STAC3: variants seen among roughly 807,000 people sequenced by gnomAD.
STAC3 encodes the protein SH3 and cysteine-rich domain-containing protein 3.
A neutral mutation model predicts 48.5 loss-of-function variants in STAC3; 30 were observed. The observed-to-expected ratio is 0.62, with a 90% confidence interval of 0.46 to 0.84. The LOEUF is 0.84. Ranked by LOEUF, STAC3 falls within the 40% of genes least tolerant of loss-of-function variation. STAC3 has a pLI of 0.00. For missense variants in STAC3, 419 were observed against 462.6 expected (o/e 0.91, Z 0.86); for synonymous variants, 144 against 158.6 (o/e 0.91, Z 0.69).
intron 2 of STAC3, 115 bp downstream of exon 2, chr12:57,249,456 A>G (rs767674676): frequency 4.4e-4 from 657 of 1,501,168 alleles, no homozygotes; most frequent in Non-Finnish European, 5.5e-4. Context: ...TGGGGACTGC[A>G]GGTGCTGGCC....
At chr12:57,248,661 C>T in intron 4 of STAC3, 45 bp downstream of exon 4, 2 of 1,498,368 alleles carry the variant, frequency 1.3e-6, no homozygotes, top group Non-Finnish European at 1.9e-6. Context: ...GCGTGAGCCA[C>T]CACGCGTGGC....
rs909352243 is a variant in STAC3, at chr12:57,243,649, G to T, written c.*163C>A. The T allele has an allele frequency of 1.4e-6, 1 of 739,876 alleles. No individual in the cohort carries two copies. The highest frequency in any genetic ancestry group is 2.7e-5 in the East Asian group (1 of 37,290). The allele number at this position is 739,876 out of a possible 1,614,324, so 45.8% of individuals were successfully genotyped here. The stretch of plus-strand genomic sequence containing the variant: ...GTATCCGAGGCCCCAGGCTGGGGAA[G>T]GGGGCGAGAACCAGTCCCTTCCCGG... On this transcript the variant is annotated 3_prime_UTR_variant, in exon 12 of 12. Transcript: ENST00000332782.
chr12:57,247,014 G>A, intron 5 of STAC3, 113 bp from the exon 6 acceptor site: 1 of 1,004,342 alleles, frequency 1.0e-6, no homozygotes, highest in Non-Finnish European at 1.5e-6. Flanking sequence ...GTGTTGGGTG[G>A]CGGTGGGGGC....
intron 1 of STAC3, among the ~76,000 whole-genome samples, chr12:57,249,973 C>G (rs1237516099): frequency 1.3e-5 from 2 of 152,184 alleles, no homozygotes; most frequent in Non-Finnish European, 1.5e-5. Context: ...TGGTCCCGAA[C>G]TAGCTCAAGC....
chr12:57,243,599 G>T lies in STAC3; in HGVS notation c.*213C>A, dbSNP rs750433566. 8 of 696,280 alleles carry T rather than the reference G, an allele frequency of 1.1e-5. No individual in the cohort carries two copies. In the South Asian group the frequency reaches 1.2e-4, roughly 10 times the overall value. The allele number at this position is 696,280 out of a possible 1,614,324, so 43.1% of individuals were successfully genotyped here. The stretch of plus-strand genomic sequence containing the variant: ...TTGCAAGCGGGGCCTGAAAGGTTTC[G>T]GGTCCGGGCTGCTCTGGGCAGCAGG... On this transcript the variant is annotated 3_prime_UTR_variant, in exon 12 of 12. Transcript: ENST00000332782.
At chr12:57,248,243 G>T in intron 4 of STAC3, 45 bp from the exon 5 acceptor site, 1 of 1,489,648 alleles carries the variant, frequency 6.7e-7, no homozygotes, top group Non-Finnish European at 9.4e-7. Flanking sequence ...GCAAAGTAAG[G>T]TCCAGAAGCC....
chr12:57,249,102 T>C lies in STAC3; in HGVS notation c.273A>G (p.Lys91=), dbSNP rs2136835566. Residue 91 remains lysine, a synonymous_variant, in exon 3 of 12, where the codon AAA becomes AAG. Transcript: ENST00000332782. ...PPKLVNDKPH[K]FKDHFFKKPK... Reference sequence around the variant, plus strand: ...GCTTCTTGAAGAAGTGATCTTTGAATTTGTGGGGCTTATCGTTGACCAGCT... The same window carrying C: ...GCTTCTTGAAGAAGTGATCTTTGAACTTGTGGGGCTTATCGTTGACCAGCT... The C allele has an allele frequency of 1.9e-6, 3 of 1,612,132 alleles. No homozygotes were observed. Among genetic ancestry groups the C allele is most frequent in the Non-Finnish European group, 2.5e-6 (3 of 1,179,082 alleles).
Position 57,245,231 on chromosome 12 carries a change from T to C in STAC3, c.604-20A>G. The C allele has an allele frequency of 1.9e-6, 3 of 1,612,898 alleles. No individual in the cohort carries two copies. Among genetic ancestry groups the C allele is most frequent in the Non-Finnish European group, 2.5e-6 (3 of 1,179,124 alleles). ...TACAGGCTGGAGGGGGCACCAGAGT[T>C]AGGGAGACGCTGTCTTGGGAACACA... is the stretch of plus-strand genomic sequence containing the variant. On this transcript the variant is annotated intron_variant, in intron 6 of 11. Coordinates refer to ENST00000332782, the MANE Select transcript of STAC3 (RefSeq NM_145064.3).
At chr12:57,247,428 ATTTTTTTTTTT>A (rs367784960) in intron 5 of STAC3, among the ~76,000 whole-genome samples, 4 of 58,532 alleles carry the variant, frequency 6.8e-5, no homozygotes, top group African/African-American at 1.1e-4. Flanking sequence ...TATTATTATT[ATTTTTTTTTTT>A]TTTTTTTTTT....
intron 4 of STAC3, chr12:57,248,498 C>G: frequency 1.6e-6 from 1 of 606,496 alleles, no homozygotes; most frequent in Non-Finnish European, 3.0e-6. Context: ...CCTGCCTCAG[C>G]CTCCTGAGTA....
intron 9 of STAC3, 38 bp from the exon 10 acceptor site, chr12:57,244,404 G>A: frequency 6.2e-7 from 1 of 1,613,844 alleles, no homozygotes; most frequent in South Asian, 1.1e-5. Flanking sequence ...CACATAGCAG[G>A]TCCCCTGCTG....
intron 5 of STAC3, 95 bp downstream of exon 5, chr12:57,248,031 A>C: frequency 3.6e-6 from 4 of 1,117,302 alleles, no homozygotes; most frequent in Non-Finnish European, 5.5e-6. Flanking sequence ...GGAAACAGAA[A>C]GTTTCTGTTT....
In STAC3 at chr12:57,246,828, C is replaced by T. The variant is rs2037752516; in HGVS notation, c.579G>A (p.Lys193=). ...CATTTTTCTTATCTGCCTGTCCCTT[C>T]TTCCGTTCCTTGTTTGCCATGATCA... is the stretch of plus-strand genomic sequence containing the variant. ...TGVIMANKER[K]KGQADKKNPV... Residue 193 remains lysine (K), a synonymous_variant, in exon 6 of 12, where the codon AAG becomes AAA. Transcript: ENST00000332782. The T allele has an allele frequency of 1.9e-6, 3 of 1,613,908 alleles. No homozygotes were observed. Among genetic ancestry groups the T allele is most frequent in the Non-Finnish European group, 2.5e-6 (3 of 1,179,912 alleles).
rs750384652 is a variant in STAC3 at position 57,243,752 on chromosome 12, C to T, written c.*60G>A. On this transcript the variant is annotated 3_prime_UTR_variant, in exon 12 of 12. Coordinates refer to ENST00000332782, the MANE Select transcript of STAC3 (RefSeq NM_145064.3). ...CGTTGCTTTCGCCCCCCTCCCCAAA[C>T]TCCACTGGGCCCGCCCAGAATGGGG... 1.6e-5 allele frequency: 24 copies of T among 1,531,930 alleles called. No homozygotes were observed. Among genetic ancestry groups the T allele is most frequent in the Non-Finnish European group, 2.2e-5 (24 of 1,112,224 alleles). 94.9% of individuals were successfully genotyped at this position (1,531,930 alleles called of 1,614,324 possible).
At chr12:57,244,282 A>G in intron 10 of STAC3, 33 bp downstream of exon 10, 1 of 1,613,822 alleles carries the variant, frequency 6.2e-7, no homozygotes, top group South Asian at 1.1e-5. Flanking sequence ...GACTCAACCC[A>G]CACTCCACCC....
chr12:57,247,435 T>A (rs1205192875), intron 5 of STAC3, among the ~76,000 whole-genome samples: 129 of 110,556 alleles, frequency 1.2e-3, no homozygotes, highest in African/African-American at 3.5e-3. Flanking sequence ...ATTATTTTTT[T>A]TTTTTTTTTT....
Position 57,247,014 on chromosome 12 carries a change from G to T in STAC3, c.506-113C>A, listed in dbSNP as rs562946639. The T allele has an allele frequency of 1.6e-5, 16 of 1,004,338 alleles. No individual in the cohort carries two copies. The African/African-American group carries it at 2.5e-4, about 16-fold the overall frequency. The allele number at this position is 1,004,338 out of a possible 1,614,324, so 62.2% of individuals were successfully genotyped here. A position where few individuals can be genotyped will look rare whatever the true frequency, so the allele number is the denominator to read the frequency against. On this transcript the variant is annotated intron_variant, in intron 5 of 11. Coordinates refer to ENST00000332782, the MANE Select transcript of STAC3 (RefSeq NM_145064.3). Reference sequence around the variant, plus strand: ...TGGATACCCATGTGTGTGTTGGGTGGCGGTGGGGGCGCCGCGGGGAAGATT... The same window carrying T: ...TGGATACCCATGTGTGTGTTGGGTGTCGGTGGGGGCGCCGCGGGGAAGATT...
chr12:57,243,769 A>T lies in STAC3; in HGVS notation c.*43T>A. ...TCCCCAAACTCCACTGGGCCCGCCC[A>T]GAATGGGGTGTGGGTGTCTCCCGCT... On this transcript the variant is annotated 3_prime_UTR_variant, in exon 12 of 12. Coordinates refer to ENST00000332782, the MANE Select transcript of STAC3 (RefSeq NM_145064.3). The T allele has an allele frequency of 6.3e-7, 1 of 1,577,814 alleles. No individual in the cohort carries two copies. Among genetic ancestry groups the T allele is most frequent in the Non-Finnish European group, 8.7e-7 (1 of 1,149,234 alleles).
At chr12:57,250,739 C>T (rs1330356977) in intron 1 of STAC3, among the ~76,000 whole-genome samples, 1 of 152,150 alleles carries the variant, frequency 6.6e-6, no homozygotes, top group East Asian at 1.9e-4. Context: ...CCCAGCCTGC[C>T]TCAGGGCTCA....
Sources: gnomAD v4.1 joint callset for allele counts (sites outside exome capture counted in the v4.1 genomes callset) on GRCh38, gnomAD v4.1.1 for gene constraint, MANE v1.5 for transcripts, NCBI Gene and HGNC (gene_info 2026-07-23, HGNC 2026-07-21) for gene names.